The following PLS3 variants were observed in gnomAD, a reference collection of about 807,000 sequenced individuals.
The protein encoded by PLS3 is plastin-3.
PLS3 carries 11 observed loss-of-function variants against 46.5 expected under a neutral mutation model. That is an observed-to-expected ratio of 0.24 (90% CI 0.15 to 0.39). PLS3 has a LOEUF of 0.39. Among genes scored for constraint, PLS3 ranks in the 10% least tolerant of loss-of-function variants. The pLI, the probability that PLS3 is intolerant of heterozygous loss-of-function variation, is 1.00. For synonymous variants in PLS3, 167 were observed against 162.2 expected, an observed-to-expected ratio of 1.03 and a Z score of -0.22; for missense variants, 308 against 461.8, an observed-to-expected ratio of 0.67 and a Z score of 3.05.
chrX:115,644,292 A>T (rs376008754), intron 10 of PLS3, among the ~76,000 whole-genome samples: 19 of 110,522 alleles, frequency 1.7e-4, no homozygotes, highest in African/African-American at 6.2e-4. Flanking sequence ...TGTGAAGCGT[A>T]GTCTATAAAA....
rs59962152 is a variant in PLS3, at chrX:115,604,100, T to C, written c.-8-6143T>C. Among the ~76,000 whole-genome samples, 908 of 112,034 alleles carry C rather than the reference T, an allele frequency of 8.1e-3. 11 individuals are homozygous for C. Among genetic ancestry groups the C allele is most frequent in the African/African-American group, 0.029 (884 of 30,916 alleles). ...AAACTGGCCTTACGGAGGAACCAAA[T>C]TGAGTCATGGATAAAAAGTGACTGA... On this transcript the variant is annotated intron_variant, in intron 1 of 15. Transcript: ENST00000355899.
At chrX:115,596,653 A>G (rs1012289703) in intron 1 of PLS3, among the ~76,000 whole-genome samples, 24 of 110,894 alleles carry the variant, frequency 2.2e-4, no homozygotes, top group African/African-American at 7.6e-4. Context: ...TCTGGCCCAC[A>G]TGGTGAAACC....
chrX:115,646,906 G>T (rs910408703), intron 13 of PLS3, among the ~76,000 whole-genome samples: 11 of 112,168 alleles, frequency 9.8e-5, no homozygotes, highest in African/African-American at 3.6e-4. Context: ...ATGCTGAAAA[G>T]CATTCATTAT....
intron 1 of PLS3, among the ~76,000 whole-genome samples, chrX:115,574,884 C>A (rs1444889341): frequency 8.9e-6 from 1 of 112,334 alleles, no homozygotes; most frequent in Non-Finnish European, 1.9e-5. Flanking sequence ...CGGCCCCATA[C>A]CATCTATTTT....
At chrX:115,604,587 A>G (rs2074473720) in intron 1 of PLS3, among the ~76,000 whole-genome samples, 1 of 111,976 alleles carries the variant, frequency 8.9e-6, no homozygotes. Flanking sequence ...TCTTTCTGTT[A>G]AAACATACTA....
chrX:115,647,451 T>C, intron 13 of PLS3, 99 bp from the exon 14 acceptor site: 9 of 870,591 alleles, frequency 1.0e-5, no homozygotes, highest in Non-Finnish European at 1.5e-5. Flanking sequence ...AGAAGAAAAA[T>C]TTAAGAAATA....
chrX:115,566,727 T>G (rs1264775647), intron 1 of PLS3, among the ~76,000 whole-genome samples: 2 of 106,105 alleles, frequency 1.9e-5, no homozygotes, highest in Admixed American at 1.0e-4. Context: ...TCGCCCAGGC[T>G]GGAATGCAAT....
At chrX:115,620,060 T>TC (rs200693329) in intron 2 of PLS3, among the ~76,000 whole-genome samples, 4,126 of 111,338 alleles carry the variant, frequency 0.037, 200 homozygotes, top group African/African-American at 0.13. Flanking sequence ...TAATTTTTAA[T>TC]CCCCCAGAGC....
intron 5 of PLS3, among the ~76,000 whole-genome samples, chrX:115,631,371 G>C (rs1556639405): frequency 9.1e-6 from 1 of 109,572 alleles, no homozygotes; most frequent in East Asian, 2.9e-4. Context: ...GCGCCCGGCT[G>C]ACAGTATATA....
chrX:115,617,149 A>C (rs782518603), intron 2 of PLS3, among the ~76,000 whole-genome samples: 1 of 111,464 alleles, frequency 9.0e-6, no homozygotes, highest in African/African-American at 3.3e-5. Flanking sequence ...GTAGGTACTC[A>C]GTTTGCTCTG....
At chrX:115,614,244 C>G in intron 2 of PLS3, 1 of 665,033 alleles carries the variant, frequency 1.5e-6, no homozygotes, top group Non-Finnish European at 1.8e-6. Context: ...GCTGGGATTA[C>G]AGACGTGAGC....
intron 2 of PLS3, among the ~76,000 whole-genome samples, chrX:115,618,253 A>G (rs2074615484): frequency 8.9e-6 from 1 of 112,353 alleles, no homozygotes; most frequent in Admixed American, 9.5e-5. Flanking sequence ...CAAAAAGAAC[A>G]AATCCTGTTA....
chrX:115,605,495 A>G (rs1556635175), intron 1 of PLS3, among the ~76,000 whole-genome samples: 3 of 111,418 alleles, frequency 2.7e-5, no homozygotes, highest in Admixed American at 1.9e-4. Context: ...TTGCTCTGTC[A>G]CCCATCCTGG....
At chrX:115,588,983 T>TG (rs1169071129) in intron 1 of PLS3, among the ~76,000 whole-genome samples, 1 of 111,554 alleles carries the variant, frequency 9.0e-6, no homozygotes, top group Non-Finnish European at 1.9e-5. Context: ...AGACAGCCCT[T>TG]GGAATATTGA....
At chrX:115,649,307 G>T in intron 15 of PLS3, 122 bp from the exon 16 acceptor site, 1 of 511,305 alleles carries the variant, frequency 2.0e-6, no homozygotes, top group Non-Finnish European at 3.0e-6. Context: ...TGTTCTAATT[G>T]GAACTATCAA....
intron 1 of PLS3, among the ~76,000 whole-genome samples, chrX:115,605,121 A>G (rs187112319): frequency 1.8e-4 from 20 of 112,300 alleles, no homozygotes; most frequent in Admixed American, 1.7e-3. Flanking sequence ...AATAACTGTC[A>G]ATAAATGAAT....
At chrX:115,643,279 C>G (rs782712925) in intron 9 of PLS3, 34 bp from the exon 10 acceptor site, 2 of 970,500 alleles carry the variant, frequency 2.1e-6, no homozygotes, top group East Asian at 3.1e-5. Flanking sequence ...TTTAGTGTGG[C>G]CTTTGACAAA....
At chrX:115,586,234 C>T (rs893559949) in intron 1 of PLS3, among the ~76,000 whole-genome samples, 1 of 107,977 alleles carries the variant, frequency 9.3e-6, no homozygotes, top group Non-Finnish European at 1.9e-5. Flanking sequence ...ATCCACCTGC[C>T]TCGGCCTCCC....
chrX:115,597,058 T>A (rs1433258765), intron 1 of PLS3, among the ~76,000 whole-genome samples: 1 of 108,955 alleles, frequency 9.2e-6, no homozygotes, highest in Admixed American at 9.9e-5. Flanking sequence ...GGCAGGAGAA[T>A]CACTTGAACC....
Sources: allele counts gnomAD v4.1 joint callset (sites outside exome capture counted in the v4.1 genomes callset), GRCh38; gene constraint gnomAD v4.1.1; transcripts MANE v1.5; gene names NCBI Gene and HGNC (gene_info 2026-07-23, HGNC 2026-07-21).